The following NCOA6 variants were observed in gnomAD, a reference collection of about 807,000 sequenced individuals.
NCOA6 encodes the protein nuclear receptor coactivator 6.
In NCOA6, 49 loss-of-function variants were observed where a neutral mutation model predicts 171.4. That is an observed-to-expected ratio of 0.29 (90% CI 0.23 to 0.36). The LOEUF (loss-of-function observed/expected upper bound fraction) is 0.36, where lower values mean the gene tolerates loss of function less well. Among genes scored for constraint, NCOA6 ranks in the 10% least tolerant of loss-of-function variants. The pLI, the probability that NCOA6 is intolerant of heterozygous loss-of-function variation, is 1.00. For synonymous variants in NCOA6, 910 were observed against 927.5 expected, an observed-to-expected ratio of 0.98 and a Z score of 0.34; for missense variants, 2,248 against 2,554.5, an observed-to-expected ratio of 0.88 and a Z score of 2.59.
intron 11 of NCOA6, among the ~76,000 whole-genome samples, chr20:34,737,637 G>C (rs1172531644): frequency 2.0e-5 from 3 of 152,144 alleles, no homozygotes; most frequent in African/African-American, 7.2e-5. Context: ...CCCTCTAGAA[G>C]GGAACCATCC....
intron 8 of NCOA6, among the ~76,000 whole-genome samples, chr20:34,753,552 T>A (rs1026164364): frequency 4.6e-5 from 7 of 151,738 alleles, no homozygotes; most frequent in African/African-American, 1.7e-4. Context: ...TCCCAGCTAC[T>A]CAGGAGGCTG....
At chr20:34,776,674 T>A (rs905490207) in intron 3 of NCOA6, 3 of 649,536 alleles carry the variant, frequency 4.6e-6, no homozygotes, top group South Asian at 3.2e-5. Context: ...ACTTATCTTT[T>A]TCTTTTCTAA....
intron 9 of NCOA6, among the ~76,000 whole-genome samples, chr20:34,747,291 G>A (rs1053051145): frequency 7.9e-5 from 12 of 152,066 alleles, no homozygotes; most frequent in African/African-American, 2.4e-4. Context: ...TCAATGTAGC[G>A]ATCAAATTCA....
rs1257928305 is a variant in NCOA6, at chr20:34,742,794, T to C, written c.3462A>G (p.Val1154=). ...PGGPNNMPSH[V]VLPQNQLMMT... ...TCATTAACTGATTCTGGGGAAGTACTACATGTGAAGGCATGTTGTTTGGGC... is the reference window on the plus strand; with the variant it reads ...TCATTAACTGATTCTGGGGAAGTACCACATGTGAAGGCATGTTGTTTGGGC... Residue 1154 remains valine, a synonymous_variant, in exon 11 of 15, where the codon GTA becomes GTG. Transcript: ENST00000359003. 9 of 1,614,084 alleles carry C rather than the reference T, an allele frequency of 5.6e-6. No individual in the cohort carries two copies. Among genetic ancestry groups the C allele is most frequent in the Middle Eastern group, 3.3e-4 (2 of 6,084 alleles).
Position 34,746,871 on chromosome 20 carries a change from T to C in NCOA6, c.2850A>G (p.Gly950=). The C allele has an allele frequency of 1.2e-6, 2 of 1,604,190 alleles. No homozygotes were observed. The highest frequency in any genetic ancestry group is 1.7e-6 in the Non-Finnish European group (2 of 1,175,834). ...LEEADQPPLP[G]EQGINLDNSG... is the part of the protein sequence containing the mutation. ...AGTTATCCAAGTTAATTCCTTGTTC[T>C]CCAGGCAACGGTGGCTGATCAGCCT... is the stretch of plus-strand genomic sequence containing the variant. The change falls in exon 10 of 15, where the codon GGA becomes GGG. Residue 950 remains glycine, a synonymous_variant. Transcript: ENST00000359003.
chr20:34,779,239 A>G lies in NCOA6; in HGVS notation c.236-2791T>C, dbSNP rs561223323. Among the ~76,000 whole-genome samples the G allele has an allele frequency of 3.2e-4, 49 of 152,304 alleles. 1 individual carries two copies. Among genetic ancestry groups the G allele is most frequent in the African/African-American group, 1.2e-3 (48 of 41,562 alleles). ...ATAAAAAAGTTATTTGGCTGCGTGC[A>G]GTGGCGCATGTCCGTAATCCCAGCA... On this transcript the variant is annotated intron_variant, in intron 3 of 14. Transcript: ENST00000359003.
At chr20:34,763,884 C>A (rs367799851) in intron 5 of NCOA6, among the ~76,000 whole-genome samples, 26 of 152,266 alleles carry the variant, frequency 1.7e-4, no homozygotes, top group Middle Eastern at 3.4e-3. Context: ...ATTCTGAATT[C>A]TAACTTGCTT....
At chr20:34,758,227 CT>C (rs2076710626) in intron 6 of NCOA6, 123 bp from the exon 7 acceptor site, 2 of 1,265,958 alleles carry the variant, frequency 1.6e-6, no homozygotes, top group Admixed American at 5.3e-5. Context: ...AAAATAAATG[CT>C]TGTGAATACC....
At chr20:34,782,441 T>C (rs995741168) in intron 2 of NCOA6, 37 bp from the exon 3 acceptor site, 2 of 596,928 alleles carry the variant, frequency 3.4e-6, no homozygotes, top group East Asian at 2.8e-5. Flanking sequence ...TTACAATGCA[T>C]AGTTATGCAT....
chr20:34,741,297 A>T lies in NCOA6; in HGVS notation c.4959T>A (p.Pro1653=). ...TGATAAAGACAGGTGTAATGAACTG[A>T]GGCCGGGCATTAGACTGAGCAGCTG... ...GQSAAQSNAR[P]QFITPVFINS... is the part of the protein sequence containing the mutation. Residue 1653 remains proline, a synonymous_variant, in exon 11 of 15, where the codon CCT becomes CCA. Transcript: ENST00000359003. 1 of 1,614,202 alleles carries T rather than the reference A, an allele frequency of 6.2e-7. No individual in the cohort carries two copies. Among genetic ancestry groups the T allele is most frequent in the Non-Finnish European group, 8.5e-7 (1 of 1,180,034 alleles).
At chr20:34,749,287 G>A in intron 9 of NCOA6, 116 bp downstream of exon 9, 7 of 1,218,348 alleles carry the variant, frequency 5.7e-6, no homozygotes, top group Non-Finnish European at 8.0e-6. Flanking sequence ...AATTATTGAA[G>A]CAGGGGGATT....
chr20:34,761,936 G>A (rs1037486642), intron 5 of NCOA6, among the ~76,000 whole-genome samples: 1 of 152,020 alleles, frequency 6.6e-6, no homozygotes, highest in African/African-American at 2.4e-5. Context: ...TTACAGGCGT[G>A]AGCTATCGTG....
Position 34,765,352 on chromosome 20 carries a change from G to A in NCOA6, c.514+3112C>T, listed in dbSNP as rs1298927175. 2.0e-5 allele frequency among the ~76,000 whole-genome samples: 3 copies of A among 150,258 alleles called. No individual in the cohort carries two copies. The South Asian group carries it at 6.4e-4, about 32-fold the overall frequency. The stretch of plus-strand genomic sequence containing the variant: ...TGGGAGGCTGAGGCAGGAGAATGGC[G>A]TGAACCTGGGAGGCAGAGCTTGCAG... On this transcript the variant is annotated intron_variant, in intron 5 of 14. Transcript: ENST00000359003.
chr20:34,749,117 G>C (rs1343236337), intron 9 of NCOA6, among the ~76,000 whole-genome samples: 1 of 152,184 alleles, frequency 6.6e-6, no homozygotes, highest in Non-Finnish European at 1.5e-5. Context: ...GGAAGTATTA[G>C]TTTTCTAGGT....
At chr20:34,787,755 T>C (rs1406387648) in intron 2 of NCOA6, among the ~76,000 whole-genome samples, 1 of 152,184 alleles carries the variant, frequency 6.6e-6, no homozygotes, top group Non-Finnish European at 1.5e-5. Flanking sequence ...AACAGCTCTA[T>C]TGAAGCTGCA....
At chr20:34,822,509 G>C (rs2079037220) in intron 1 of NCOA6, among the ~76,000 whole-genome samples, 1 of 152,136 alleles carries the variant, frequency 6.6e-6, no homozygotes, top group Admixed American at 6.6e-5. Flanking sequence ...GATTCTTTGA[G>C]CAGACACACC....
chr20:34,758,138 C>T (rs1192127722), intron 6 of NCOA6, 34 bp from the exon 7 acceptor site: 1 of 1,567,674 alleles, frequency 6.4e-7, no homozygotes, highest in Non-Finnish European at 8.7e-7. Context: ...CAATAATTAA[C>T]CTACTGCAAT....
chr20:34,765,107 T>G (rs1600916728), intron 5 of NCOA6, among the ~76,000 whole-genome samples: 2 of 145,602 alleles, frequency 1.4e-5, no homozygotes, highest in African/African-American at 2.6e-5. Context: ...GGTGATGGAG[T>G]GAGACTGCTT....
At chr20:34,753,235 CAG>C (rs2076545203) in intron 8 of NCOA6, among the ~76,000 whole-genome samples, 1 of 151,288 alleles carries the variant, frequency 6.6e-6, no homozygotes, top group South Asian at 2.1e-4. Flanking sequence ...TTAGTAGAGA[CAG>C]GGTTTTACCA....
Sources: allele counts gnomAD v4.1 joint callset (sites outside exome capture counted in the v4.1 genomes callset), GRCh38; gene constraint gnomAD v4.1.1; transcripts MANE v1.5; gene names NCBI Gene and HGNC (gene_info 2026-07-23, HGNC 2026-07-21).